CNOT4: variants seen among roughly 807,000 people sequenced by gnomAD.
CNOT4 encodes the protein CCR4-associated factor 4.
CNOT4 carries 8 observed loss-of-function variants against 73.8 expected under a neutral mutation model. That is an observed-to-expected ratio of 0.11 (90% CI 0.06 to 0.20). The LOEUF (loss-of-function observed/expected upper bound fraction) is 0.20. Among genes scored for constraint, CNOT4 ranks in the 10% least tolerant of loss-of-function variants. The pLI, the probability that CNOT4 is intolerant of heterozygous loss-of-function variation, is 1.00. For synonymous variants in CNOT4, 293 were observed against 321.1 expected (o/e 0.91, Z 0.94); for missense variants, 564 against 883.4 (o/e 0.64, Z 4.58).
intron 3 of CNOT4, 141 bp from the exon 4 acceptor site, chr7:135,415,403 A>G: frequency 1.8e-6 from 1 of 552,406 alleles, no homozygotes; most frequent in Non-Finnish European, 3.2e-6. Flanking sequence ...ACTACCTCCT[A>G]ATTGCAGTTT....
At chr7:135,389,456 G>C (rs1253230165) in intron 10 of CNOT4, among the ~76,000 whole-genome samples, 1 of 152,050 alleles carries the variant, frequency 6.6e-6, no homozygotes, top group Admixed American at 6.5e-5. Context: ...AATGTTAACA[G>C]TACAATGATC....
intron 3 of CNOT4, among the ~76,000 whole-genome samples, chr7:135,419,322 A>ATCTTT (rs1798047488): frequency 6.6e-6 from 1 of 152,226 alleles, no homozygotes; most frequent in Non-Finnish European, 1.5e-5. Context: ...GTAAATTACA[A>ATCTTT]GGATCCTTCT....
intron 1 of CNOT4, among the ~76,000 whole-genome samples, chr7:135,469,102 T>C (rs142993875): frequency 6.6e-6 from 1 of 152,108 alleles, no homozygotes; most frequent in South Asian, 2.1e-4. Flanking sequence ...TTGATGATGA[T>C]AAACGGAAGA....
chr7:135,377,914 ATATTCTT>A (rs1795609376), intron 10 of CNOT4, among the ~76,000 whole-genome samples: 1 of 152,208 alleles, frequency 6.6e-6, no homozygotes, highest in African/African-American at 2.4e-5. Context: ...AGAAACAGCA[ATATTCTT>A]ACTTCAGATA....
chr7:135,395,738 C>T lies in CNOT4; in HGVS notation c.1025G>A (p.Arg342His), dbSNP rs1301600875. The T allele has an allele frequency of 1.9e-6, 3 of 1,613,864 alleles. No individual in the cohort carries two copies. The highest frequency in any genetic ancestry group is 2.5e-6 in the Non-Finnish European group (3 of 1,179,976). ...CCCACTTGGGATAGGGTTGGGATGGCGAAAATTGTCTGAGAATAACGACTG... is the reference window on the plus strand; with the variant it reads ...CCCACTTGGGATAGGGTTGGGATGGTGAAAATTGTCTGAGAATAACGACTG... ...ESQSLFSDNF[R>H]HPNPIPSGLP... The change falls in exon 9 of 12, where the codon CGC becomes CAC. Residue 342 changes from arginine (R) to histidine (H), a missense_variant. Physicochemically the swap from Arg to His is conservative, Grantham distance 29. Around this residue, in one of 10 missense-constraint regions of CNOT4, gnomAD observed 135 missense variants for 154.0 expected, o/e 0.88. Transcript: ENST00000541284.
At chr7:135,485,028 T>C (rs1198626354) in intron 1 of CNOT4, among the ~76,000 whole-genome samples, 1 of 152,146 alleles carries the variant, frequency 6.6e-6, no homozygotes, top group African/African-American at 2.4e-5. Flanking sequence ...CCCAAATTGA[T>C]GTATAGTATA....
At chr7:135,482,360 A>T (rs1802436725) in intron 1 of CNOT4, among the ~76,000 whole-genome samples, 4 of 151,984 alleles carry the variant, frequency 2.6e-5, no homozygotes, top group Non-Finnish European at 5.9e-5. Context: ...GTCCAAAAAC[A>T]GCCTGGGCAA....
intron 1 of CNOT4, among the ~76,000 whole-genome samples, chr7:135,509,321 A>C (rs1804583084): frequency 7.9e-5 from 12 of 152,090 alleles, no homozygotes; most frequent in Admixed American, 7.9e-4. Flanking sequence ...TGGCAGATAC[A>C]CTGTGGGCTG....
intron 10 of CNOT4, among the ~76,000 whole-genome samples, chr7:135,391,365 C>T (rs569202828): frequency 6.6e-6 from 1 of 152,072 alleles, no homozygotes; most frequent in South Asian, 2.1e-4. Flanking sequence ...CTCTAGTCAT[C>T]AGAGCCTTAA....
In CNOT4 at chr7:135,481,577, T is replaced by C. The variant is rs541516775; in HGVS notation, c.-93+28312A>G. Among the ~76,000 whole-genome samples the C allele has an allele frequency of 2.0e-5, 3 of 152,324 alleles. No individual in the cohort carries two copies. In the South Asian group the frequency reaches 6.2e-4, roughly 32 times the overall value. On this transcript the variant is annotated intron_variant, in intron 1 of 11. Transcript: ENST00000541284. ...CTAAAAGTATCATTATCATATGATCTGGCAATCCCACCACTGTATTTATAC... is the reference window on the plus strand; with the variant it reads ...CTAAAAGTATCATTATCATATGATCCGGCAATCCCACCACTGTATTTATAC...
intron 7 of CNOT4, among the ~76,000 whole-genome samples, chr7:135,404,802 T>G (rs1444930698): frequency 6.6e-6 from 1 of 152,172 alleles, no homozygotes; most frequent in Non-Finnish European, 1.5e-5. Context: ...CTTTCACCAT[T>G]TCTCTAGCTA....
Position 135,490,099 on chromosome 7 carries a change from A to G in CNOT4, c.-93+19790T>C, listed in dbSNP as rs184501746. On this transcript the variant is annotated intron_variant, in intron 1 of 11. Transcript: ENST00000541284. ...TTGTTAGTTTATGACAAGTACCTTC[A>G]AAGTACTCAATAAAAATATCGTTCA... Among the ~76,000 whole-genome samples the G allele has an allele frequency of 1.3e-5, 2 of 152,366 alleles. 1 individual carries two copies. Among genetic ancestry groups the G allele is most frequent in the Admixed American group, 1.3e-4 (2 of 15,308 alleles).
At chr7:135,378,618 C>T (rs1795657620) in intron 10 of CNOT4, among the ~76,000 whole-genome samples, 1 of 151,920 alleles carries the variant, frequency 6.6e-6, no homozygotes, top group South Asian at 2.1e-4. Context: ...AGAGGGTCTG[C>T]TGTCTCTGGT....
chr7:135,500,262 T>C (rs1585740624), intron 1 of CNOT4, among the ~76,000 whole-genome samples: 2 of 152,172 alleles, frequency 1.3e-5, no homozygotes, highest in African/African-American at 2.4e-5. Context: ...ACCTGAGACA[T>C]TGAAGGAAGC....
intron 10 of CNOT4, among the ~76,000 whole-genome samples, chr7:135,391,488 C>A (rs956165849): frequency 1.3e-5 from 2 of 151,696 alleles, no homozygotes; most frequent in South Asian, 4.2e-4. Flanking sequence ...CCAAATAGTA[C>A]AACGATTCAG....
chr7:135,419,294 T>C (rs1230896289), intron 3 of CNOT4, among the ~76,000 whole-genome samples: 1 of 152,172 alleles, frequency 6.6e-6, no homozygotes, highest in East Asian at 1.9e-4. Context: ...TATCAAATTG[T>C]TCATCATCCA....
At chr7:135,478,346 A>C (rs550004017) in intron 1 of CNOT4, among the ~76,000 whole-genome samples, 2 of 152,330 alleles carry the variant, frequency 1.3e-5, no homozygotes, top group South Asian at 4.1e-4. Context: ...GTGAAATAAT[A>C]ATTACTGGTT....
At chr7:135,456,280 C>T (rs1390034959) in intron 1 of CNOT4, among the ~76,000 whole-genome samples, 2 of 152,102 alleles carry the variant, frequency 1.3e-5, no homozygotes, top group Non-Finnish European at 2.9e-5. Flanking sequence ...TTCTCTCATG[C>T]CTCACAAAAA....
At chr7:135,490,313 C>T (rs751580485) in intron 1 of CNOT4, among the ~76,000 whole-genome samples, 5 of 151,960 alleles carry the variant, frequency 3.3e-5, no homozygotes, top group African/African-American at 1.2e-4. Flanking sequence ...TCAAATAGAG[C>T]GAAAAGTCCT....
Sources: gnomAD v4.1 joint callset for allele counts (sites outside exome capture counted in the v4.1 genomes callset) on GRCh38, gnomAD v4.1.1 for gene constraint, gnomAD v4.1.1 regional missense constraint, MANE v1.5 for transcripts, NCBI Gene and HGNC (gene_info 2026-07-23, HGNC 2026-07-21) for gene names.